KLF12: variants seen among roughly 807,000 people sequenced by gnomAD.
KLF12 encodes Krueppel-like factor 12.
Under a neutral mutation model 37.8 loss-of-function variants are expected in KLF12, and 9 were observed. The ratio of observed to expected loss-of-function variants is 0.24; its 90% CI spans 0.14 to 0.42. The LOEUF (loss-of-function observed/expected upper bound fraction) is 0.42. Ranked by LOEUF, KLF12 falls within the 10% of genes least tolerant of loss-of-function variation. KLF12 has a pLI of 1.00. For missense variants in KLF12, 411 were observed against 516.0 expected, an observed-to-expected ratio of 0.80 and a Z score of 1.97; for synonymous variants, 208 against 202.1, an observed-to-expected ratio of 1.03 and a Z score of -0.25.
At chr13:74,238,651 T>C in the KLF12 span, among the ~76,000 whole-genome samples, 121 of 147,666 alleles carry the variant, frequency 8.2e-4, 1 homozygote, top group Admixed American at 4.4e-3. Flanking sequence ...ATTCAACTTC[T>C]TCCTGGTTTA....
intron 1 of KLF12, among the ~76,000 whole-genome samples, chr13:74,104,719 G>T (rs983920327): frequency 2.6e-5 from 4 of 152,086 alleles, no homozygotes; most frequent in Admixed American, 6.5e-5. Flanking sequence ...AATTAAATCT[G>T]ACAACTTCTA....
chr13:73,819,813 A>C (rs1883424822), intron 4 of KLF12, among the ~76,000 whole-genome samples: 1 of 152,196 alleles, frequency 6.6e-6, no homozygotes, highest in Non-Finnish European at 1.5e-5. Context: ...GAAGGAATTG[A>C]GTAAGAGAAG....
At chr13:73,928,855 TCAC>T (rs1465832628) in intron 3 of KLF12, among the ~76,000 whole-genome samples, 9 of 152,312 alleles carry the variant, frequency 5.9e-5, no homozygotes, top group East Asian at 1.9e-4. Flanking sequence ...GTGGCAATGA[TCAC>T]CACAAGATTA....
intron 5 of KLF12, among the ~76,000 whole-genome samples, chr13:73,770,486 T>C (rs1358919830): frequency 6.6e-6 from 1 of 152,068 alleles, no homozygotes; most frequent in East Asian, 1.9e-4. Context: ...TTTAGAAAAG[T>C]GGGCTGAACT....
At chr13:73,824,344 C>T (rs551798824) in intron 4 of KLF12, among the ~76,000 whole-genome samples, 5 of 152,180 alleles carry the variant, frequency 3.3e-5, no homozygotes, top group Admixed American at 1.3e-4. Context: ...TAAATATAAG[C>T]GCTATATAAC....
intron 2 of KLF12, chr13:73,962,125 A>T: frequency 2.5e-6 from 1 of 404,998 alleles, no homozygotes; most frequent in South Asian, 1.8e-5. Context: ...CAGACAATGG[A>T]ATATTAATCA....
At chr13:74,212,621 GA>G in the KLF12 span, among the ~76,000 whole-genome samples, 1 of 152,112 alleles carries the variant, frequency 6.6e-6, no homozygotes, top group Non-Finnish European at 1.5e-5. Context: ...ACTATGGGAT[GA>G]AAGATTTAAA....
intron 1 of KLF12, among the ~76,000 whole-genome samples, chr13:74,120,152 G>A (rs1387147358): frequency 1.3e-5 from 2 of 152,184 alleles, no homozygotes; most frequent in South Asian, 2.1e-4. Context: ...AGCAAGAGCT[G>A]AGAAATGTCA....
At chr13:74,244,226 C>T in the KLF12 span, among the ~76,000 whole-genome samples, 3 of 152,072 alleles carry the variant, frequency 2.0e-5, no homozygotes, top group Non-Finnish European at 4.4e-5. Context: ...GTCTTTGATC[C>T]ATATGTCACT....
chr13:74,275,787 TTTCTTTCTTTCTTTCTTTCC>T, the KLF12 span, among the ~76,000 whole-genome samples: 7 of 62,324 alleles, frequency 1.1e-4, no homozygotes, highest in African/African-American at 4.4e-4. Flanking sequence ...TTTTTCTTTC[TTTCTTTCTTTCTTTCTTTCC>T]TTCTTTCTTT....
the KLF12 span, among the ~76,000 whole-genome samples, chr13:74,236,204 T>C: frequency 7.2e-6 from 1 of 139,146 alleles, no homozygotes; most frequent in African/African-American, 3.0e-5. Context: ...GTTTGGTTTT[T>C]TGTTCTTGCG....
chr13:74,200,843 A>G, the KLF12 span, among the ~76,000 whole-genome samples: 1 of 152,124 alleles, frequency 6.6e-6, no homozygotes, highest in Non-Finnish European at 1.5e-5. Context: ...TATTTGGCGT[A>G]TTAGTATTGT....
Position 73,804,899 on chromosome 13 carries a change from G to T in KLF12, c.806+8253C>A, listed in dbSNP as rs571987752. ...ATAAAAACGAAGCATCTTTTAATGT[G>T]CCAGGATTATGGGAAGCATCTAAGA... On this transcript the variant is annotated intron_variant, in intron 5 of 7. Coordinates refer to ENST00000377669, the MANE Select transcript of KLF12 (RefSeq NM_007249.5). Among the ~76,000 whole-genome samples, 5 of 152,286 alleles carry T rather than the reference G, an allele frequency of 3.3e-5. No individual in the cohort carries two copies. In the South Asian group the frequency reaches 1.0e-3, roughly 32 times the overall value.
At chr13:73,813,011 T>C in intron 5 of KLF12, 141 bp downstream of exon 5, 1 of 809,914 alleles carries the variant, frequency 1.2e-6, no homozygotes, top group Non-Finnish European at 2.0e-6. Context: ...CCAAAGAGCA[T>C]TCAGCTGAAT....
At chr13:73,785,101 AATG>A (rs1414679980) in intron 5 of KLF12, among the ~76,000 whole-genome samples, 2 of 149,118 alleles carry the variant, frequency 1.3e-5, no homozygotes, top group Non-Finnish European at 3.0e-5. Context: ...TCGTTCAATA[AATG>A]ATGTAATTAT....
the KLF12 span, among the ~76,000 whole-genome samples, chr13:74,233,434 G>A: frequency 6.6e-6 from 1 of 152,008 alleles, no homozygotes; most frequent in Non-Finnish European, 1.5e-5. Flanking sequence ...GAGTGCCTCG[G>A]GACAAGTATT....
At chr13:74,038,881 T>C (rs897221185) in intron 1 of KLF12, among the ~76,000 whole-genome samples, 9 of 152,012 alleles carry the variant, frequency 5.9e-5, no homozygotes, top group African/African-American at 2.2e-4. Flanking sequence ...TTAAAACATG[T>C]AAAACTTAGG....
At chr13:73,701,666 C>T (rs1215530754) in intron 7 of KLF12, among the ~76,000 whole-genome samples, 1 of 152,060 alleles carries the variant, frequency 6.6e-6, no homozygotes, top group African/African-American at 2.4e-5. Context: ...TGAGACATTA[C>T]ATTTTTGATG....
chr13:73,891,633 T>C (rs1887510347), intron 3 of KLF12, among the ~76,000 whole-genome samples: 1 of 152,146 alleles, frequency 6.6e-6, no homozygotes, highest in Admixed American at 6.5e-5. Flanking sequence ...TAATTGTGCA[T>C]TTTCTTGCCT....
Sources: allele counts gnomAD v4.1 joint callset (sites outside exome capture counted in the v4.1 genomes callset), GRCh38; gene constraint gnomAD v4.1.1; transcripts MANE v1.5; gene names NCBI Gene and HGNC (gene_info 2026-07-23, HGNC 2026-07-21).